Variants in FHIT observed in about 807,000 individuals in gnomAD.
FHIT encodes the protein bis(5'-adenosyl)-triphosphatase.
A neutral mutation model predicts 17.9 loss-of-function variants in FHIT; 19 were observed. The observed-to-expected ratio is 1.06, with a 90% CI of 0.74 to 1.56. The LOEUF (loss-of-function observed/expected upper bound fraction) is 1.56, where lower values mean the gene tolerates loss of function less well. Ranked by LOEUF, FHIT falls within the 40% of genes most tolerant of loss-of-function variation. FHIT has a pLI of 0.00. For synonymous variants in FHIT, 81 were observed against 69.7 expected, an observed-to-expected ratio of 1.16 and a Z score of -0.81; for missense variants, 248 against 189.2, an observed-to-expected ratio of 1.31 and a Z score of -1.82.
intron 5 of FHIT, among the ~76,000 whole-genome samples, chr3:60,380,627 A>G (rs977993087): frequency 2.0e-5 from 3 of 152,162 alleles, no homozygotes; most frequent in African/African-American, 7.2e-5. Context: ...ACTGCTGTGA[A>G]TATCTACATG....
chr3:60,536,750 T>C, intron 5 of FHIT, 110 bp downstream of exon 5: 1 of 1,197,416 alleles, frequency 8.4e-7, no homozygotes. Context: ...ATGGATTCTT[T>C]ATTTACCTTT....
chr3:59,924,996 CTT>C (rs1323590147), intron 7 of FHIT, among the ~76,000 whole-genome samples: 1 of 150,228 alleles, frequency 6.7e-6, no homozygotes, highest in Non-Finnish European at 1.5e-5. Context: ...TGTGTAGACT[CTT>C]TGTCTCTTTT....
Position 60,784,103 on chromosome 3 carries a change from C to T in FHIT, c.-18+37816G>A, listed in dbSNP as rs1553726281. Reference sequence around the variant, plus strand: ...TCTGCTCATCCATCCAGATCCCCTCCCCATCTTTCTTCATCCTGACTCTTC... The same window carrying T: ...TCTGCTCATCCATCCAGATCCCCTCTCCATCTTTCTTCATCCTGACTCTTC... On this transcript the variant is annotated intron_variant, in intron 4 of 9. Coordinates refer to ENST00000492590, the MANE Select transcript of FHIT (RefSeq NM_002012.4). Among the ~76,000 whole-genome samples the T allele has an allele frequency of 2.0e-5, 3 of 152,112 alleles. No homozygotes were observed. In the South Asian group the frequency reaches 6.2e-4, roughly 32 times the overall value.
At chr3:61,097,624 A>C (rs962503789) in intron 2 of FHIT, among the ~76,000 whole-genome samples, 2 of 148,828 alleles carry the variant, frequency 1.3e-5, no homozygotes, top group African/African-American at 5.2e-5. Context: ...CTACTTTTTG[A>C]CTTTTTAATA....
At chr3:61,161,069 A>G (rs2107093307) in intron 2 of FHIT, among the ~76,000 whole-genome samples, 2 of 152,084 alleles carry the variant, frequency 1.3e-5, no homozygotes, top group South Asian at 4.2e-4. Flanking sequence ...GCAAACAGTA[A>G]GCCTGCTTTT....
intron 5 of FHIT, among the ~76,000 whole-genome samples, chr3:60,169,083 TAAG>T (rs1159052279): frequency 2.0e-5 from 3 of 152,122 alleles, no homozygotes; most frequent in African/African-American, 7.2e-5. Flanking sequence ...TTCAACCAAA[TAAG>T]AAAGTAAGTT....
chr3:60,164,255 T>C (rs1701060308), intron 5 of FHIT, among the ~76,000 whole-genome samples: 1 of 152,004 alleles, frequency 6.6e-6, no homozygotes, highest in South Asian at 2.1e-4. Flanking sequence ...GCCAAAGGTG[T>C]TGAGAGGTTA....
intron 8 of FHIT, among the ~76,000 whole-genome samples, chr3:59,911,827 T>C (rs1232725882): frequency 2.0e-5 from 3 of 152,182 alleles, no homozygotes; most frequent in African/African-American, 7.2e-5. Context: ...AGGCTTTGAA[T>C]GCAGGGGGCT....
At chr3:60,973,367 A>T (rs998956639) in intron 3 of FHIT, among the ~76,000 whole-genome samples, 1 of 152,104 alleles carries the variant, frequency 6.6e-6, no homozygotes, top group Non-Finnish European at 1.5e-5. Context: ...GACTGCTACA[A>T]TATCTGCTTT....
intron 2 of FHIT, among the ~76,000 whole-genome samples, chr3:61,122,108 T>C (rs1228900951): frequency 6.6e-6 from 1 of 152,088 alleles, no homozygotes; most frequent in Non-Finnish European, 1.5e-5. Flanking sequence ...CAAACTATAC[T>C]ACAAGGCTAC....
intron 5 of FHIT, among the ~76,000 whole-genome samples, chr3:60,422,600 T>C (rs1482895469): frequency 6.6e-6 from 1 of 152,136 alleles, no homozygotes; most frequent in African/African-American, 2.4e-5. Context: ...AAAAGACAGT[T>C]GCAGTAACTA....
At chr3:60,793,882 C>T (rs1442479521) in intron 4 of FHIT, among the ~76,000 whole-genome samples, 4 of 152,142 alleles carry the variant, frequency 2.6e-5, no homozygotes, top group African/African-American at 9.7e-5. Flanking sequence ...CTGCAAAGAC[C>T]ATTGCCGAAG....
intron 2 of FHIT, among the ~76,000 whole-genome samples, chr3:61,076,494 C>A (rs2034976061): frequency 1.3e-5 from 2 of 152,150 alleles, no homozygotes; most frequent in Non-Finnish European, 2.9e-5. Context: ...ACGGACCATG[C>A]ATGCCTCAGT....
At chr3:59,793,418 G>A (rs1699651258) in intron 8 of FHIT, among the ~76,000 whole-genome samples, 1 of 152,118 alleles carries the variant, frequency 6.6e-6, no homozygotes, top group Admixed American at 6.5e-5. Context: ...TGTTCGTGAT[G>A]AAGGCAACCT....
intron 5 of FHIT, among the ~76,000 whole-genome samples, chr3:60,476,892 G>A (rs1329793209): frequency 2.6e-5 from 4 of 151,726 alleles, no homozygotes; most frequent in African/African-American, 9.7e-5. Flanking sequence ...ACAAAGGGTG[G>A]GGGATTTCTT....
At chr3:60,441,800 A>G (rs1255566756) in intron 5 of FHIT, among the ~76,000 whole-genome samples, 1 of 114,754 alleles carries the variant, frequency 8.7e-6, no homozygotes, top group African/African-American at 3.1e-5. Context: ...ATATATATAT[A>G]TATATATATA....
At chr3:60,230,900 G>A (rs566493870) in intron 5 of FHIT, among the ~76,000 whole-genome samples, 7 of 152,244 alleles carry the variant, frequency 4.6e-5, no homozygotes, top group Middle Eastern at 3.4e-3. Context: ...TAGTAGATAC[G>A]AAGTTTCGCC....
intron 7 of FHIT, among the ~76,000 whole-genome samples, chr3:60,002,784 A>G (rs1433920733): frequency 6.6e-6 from 1 of 152,176 alleles, no homozygotes; most frequent in African/African-American, 2.4e-5. Context: ...TAAAGGGTAA[A>G]GAGAAGCGCC....
intron 3 of FHIT, among the ~76,000 whole-genome samples, chr3:60,983,812 G>C (rs915459273): frequency 6.0e-4 from 91 of 152,136 alleles, no homozygotes; most frequent in African/African-American, 2.0e-3. Flanking sequence ...AGACATCTTT[G>C]TACTTTGTAC....
Sources: allele counts gnomAD v4.1 joint callset (sites outside exome capture counted in the v4.1 genomes callset), GRCh38; gene constraint gnomAD v4.1.1; transcripts MANE v1.5; gene names NCBI Gene and HGNC (gene_info 2026-07-23, HGNC 2026-07-21).